Variants in CACNA1I observed in about 807,000 individuals in gnomAD.
The protein encoded by CACNA1I is calcium voltage-gated channel subunit alpha1 I.
CACNA1I carries 74 observed loss-of-function variants against 201.6 expected under a neutral mutation model. The ratio of observed to expected loss-of-function variants is 0.37; its 90% CI spans 0.30 to 0.45. The LOEUF is 0.45. Ranked by LOEUF, CACNA1I falls within the 20% of genes least tolerant of loss-of-function variation. The pLI is 1.00. For missense variants in CACNA1I, 2,346 were observed against 3,138.1 expected, an observed-to-expected ratio of 0.75 and a Z score of 6.03; for synonymous variants, 1,431 against 1,345.2, an observed-to-expected ratio of 1.06 and a Z score of -1.40.
chr22:39,682,705 G>A (rs779337211), intron 35 of CACNA1I, 44 bp downstream of exon 35: 5 of 1,564,806 alleles, frequency 3.2e-6, no homozygotes, highest in Non-Finnish European at 8.7e-7. Flanking sequence ...CCCTCATCTT[G>A]GGCATCTGCT....
chr22:39,639,440 A>G (rs1468940901), intron 5 of CACNA1I, among the ~76,000 whole-genome samples: 1 of 152,182 alleles, frequency 6.6e-6, no homozygotes, highest in Non-Finnish European at 1.5e-5. Flanking sequence ...AAAATATTCC[A>G]TATTTTCTTA....
chr22:39,683,101 C>A (rs1935751904), intron 35 of CACNA1I, among the ~76,000 whole-genome samples: 1 of 152,162 alleles, frequency 6.6e-6, no homozygotes, highest in Non-Finnish European at 1.5e-5. Flanking sequence ...TCTTCAATAG[C>A]CGTTTTGTGA....
chr22:39,667,872 G>A (rs933699671), intron 23 of CACNA1I, among the ~76,000 whole-genome samples: 29 of 152,286 alleles, frequency 1.9e-4, no homozygotes, highest in East Asian at 1.7e-3. Context: ...TGGGGCAAGC[G>A]TGTCTTACCC....
In CACNA1I at chr22:39,649,591, G is replaced by C. The variant is rs1934589032; in HGVS notation, c.1658G>C (p.Cys553Ser). ...ACGCTGGCTTCCGATCCCGCCAGCT[G>C]CCCTTGCTGCCAGCATGAGGACGGC... ...PATLASDPAS[C>S]PCCQHEDGRR... The change falls in exon 10 of 37, where the codon TGC (cysteine) becomes TCC (serine). Residue 553 changes from cysteine (C) to serine (S), a missense_variant. By Grantham distance (112) the Cys-to-Ser change is moderately radical (BLOSUM62 -1). Transcript: ENST00000402142. The surrounding 1 kb of genome is among the most constrained non-coding windows in gnomAD (Gnocchi z 7.3). The C allele has an allele frequency of 6.5e-7, 1 of 1,543,964 alleles. No individual in the cohort carries two copies. The highest frequency in any genetic ancestry group is 2.0e-5 in the Admixed American group (1 of 50,302).
intron 23 of CACNA1I, 56 bp from the exon 24 acceptor site, chr22:39,668,236 C>A: frequency 9.6e-7 from 1 of 1,046,852 alleles, no homozygotes; most frequent in South Asian, 1.3e-5. Flanking sequence ...GGGGTGGCTG[C>A]AGCTGGAGTC....
At chr22:39,661,743 G>A (rs1935017652) in intron 16 of CACNA1I, among the ~76,000 whole-genome samples, 2 of 152,266 alleles carry the variant, frequency 1.3e-5, no homozygotes, top group African/African-American at 4.8e-5. Flanking sequence ...GGTGGCAGGA[G>A]GGGATGTAAC....
At position 39,648,869 on chromosome 22, in the gene CACNA1I, G is replaced by A. The variant is rs1934566897; in HGVS notation, c.1568-632G>A. On this transcript the variant is annotated intron_variant, in intron 9 of 36. Coordinates refer to ENST00000402142, the MANE Select transcript of CACNA1I (RefSeq NM_021096.4). The surrounding 1 kb of genome is among the most constrained non-coding windows in gnomAD (Gnocchi z 5.4). ...GATTCCGGGGCAGCAAAGGGATGAAGTTCCCTCTTCCCAGGGGCCCTTCCT... is the reference window on the plus strand; with the variant it reads ...GATTCCGGGGCAGCAAAGGGATGAAATTCCCTCTTCCCAGGGGCCCTTCCT... Among the ~76,000 whole-genome samples the A allele has an allele frequency of 1.3e-5, 2 of 152,064 alleles. No homozygotes were observed. Among genetic ancestry groups the A allele is most frequent in the Non-Finnish European group, 2.9e-5 (2 of 67,996 alleles).
chr22:39,665,712 C>T lies in CACNA1I; in HGVS notation c.3978+88C>T, dbSNP rs893287111. On this transcript the variant is annotated intron_variant, in intron 22 of 36. Coordinates refer to ENST00000402142, the MANE Select transcript of CACNA1I (RefSeq NM_021096.4). This position sits in a 1 kb window ranked among gnomAD's most constrained non-coding sequence, Gnocchi z 5.5. ...CAGCCAGGGGAGAGACTCCACATTC[C>T]AACCTCATGCGCCTTGCCAGCTGTG... 3.8e-6 allele frequency: 6 copies of T among 1,560,252 alleles called. No homozygotes were observed. Among genetic ancestry groups the T allele is most frequent in the Admixed American group, 1.7e-5 (1 of 58,424 alleles).
intron 31 of CACNA1I, among the ~76,000 whole-genome samples, chr22:39,678,452 C>T (rs532871639): frequency 8.5e-5 from 13 of 152,282 alleles, no homozygotes; most frequent in East Asian, 5.8e-4. Context: ...CCAGGTCACC[C>T]GGCAGAGGCT....
At chr22:39,581,434 C>G (rs1450257158) in intron 1 of CACNA1I, among the ~76,000 whole-genome samples, 1 of 152,124 alleles carries the variant, frequency 6.6e-6, no homozygotes, top group Non-Finnish European at 1.5e-5. Flanking sequence ...GATGAGGGGC[C>G]TTTTGTATGC....
intron 6 of CACNA1I, among the ~76,000 whole-genome samples, chr22:39,642,112 G>T (rs1364204650): frequency 6.6e-6 from 1 of 152,090 alleles, no homozygotes; most frequent in Non-Finnish European, 1.5e-5. Flanking sequence ...GCCCTGTGCT[G>T]CCCTCTGCTG....
intron 18 of CACNA1I, 149 bp from the exon 19 acceptor site, chr22:39,663,569 G>C (rs916647847): frequency 4.5e-6 from 4 of 885,350 alleles, no homozygotes; most frequent in South Asian, 1.7e-5. Context: ...CCCTGAGCAG[G>C]TGTAGAGTCG....
rs1035417426 is a variant in CACNA1I, at chr22:39,677,415, G to T, written c.4929G>T (p.Lys1643Asn). 1 of 1,573,842 alleles carries T rather than the reference G, an allele frequency of 6.4e-7. No individual in the cohort carries two copies. Among genetic ancestry groups the T allele is most frequent in the Non-Finnish European group, 8.6e-7 (1 of 1,161,652 alleles). Reference protein sequence around the residue: ...YAALGVELFGKLVCNDENPCE... With the variant: ...YAALGVELFGNLVCNDENPCE... Reference sequence around the variant, plus strand: ...CTCTCGGGGTGGAGCTCTTTGGGAAGCTGGGTGAGTGACTCCCAGAGCAGG... The same window carrying T: ...CTCTCGGGGTGGAGCTCTTTGGGAATCTGGGTGAGTGACTCCCAGAGCAGG... The change falls in exon 30 of 37, where the codon AAG (lysine) becomes AAT (asparagine). Residue 1643 changes from lysine (K) to asparagine (N), a missense_variant. Lys to Asn is a moderately conservative substitution (Grantham distance 94). Transcript: ENST00000402142. The surrounding 1 kb of genome is among the most constrained non-coding windows in gnomAD (Gnocchi z 4.8).
At chr22:39,652,580 G>A (rs1376295967) in intron 10 of CACNA1I, among the ~76,000 whole-genome samples, 2 of 152,200 alleles carry the variant, frequency 1.3e-5, no homozygotes, top group Non-Finnish European at 2.9e-5. Context: ...ACTGCTCAGA[G>A]AGCAAATAGA....
rs1405809972 is a variant in CACNA1I, at chr22:39,665,549, C to T, written c.3903C>T (p.Ser1301=). ...GLKLVVETLI[S]SLKPIGNIVL... ...AGCTGGTGGTGGAGACACTCATCTC[C>T]TCCCTCAAGCCCATCGGCAACATCG... Residue 1301 remains serine (S), a synonymous_variant, in exon 22 of 37, where the codon TCC becomes TCT. Transcript: ENST00000402142. The surrounding 1 kb of genome is among the most constrained non-coding windows in gnomAD (Gnocchi z 5.5). 6.2e-7 allele frequency: 1 copy of T among 1,613,886 alleles called. No individual in the cohort carries two copies. The highest frequency in any genetic ancestry group is 1.7e-5 in the Admixed American group (1 of 60,018).
At chr22:39,655,215 G>C (rs1009051219) in intron 10 of CACNA1I, among the ~76,000 whole-genome samples, 1 of 152,008 alleles carries the variant, frequency 6.6e-6, no homozygotes, top group African/African-American at 2.4e-5. Context: ...CCTAATCAAC[G>C]CTAGCTGCCA....
intron 8 of CACNA1I, 23 bp downstream of exon 8, chr22:39,646,904 C>T (rs751326341): frequency 2.5e-5 from 36 of 1,464,670 alleles, no homozygotes; most frequent in Non-Finnish European, 2.9e-5. Context: ...GCATCCGACG[C>T]GGCACTCAGG....
rs1240503738 is a variant in CACNA1I, at chr22:39,646,637, A to G, written c.1218A>G (p.Gln406=). The part of the protein sequence containing the change: ...VIATQFSETK[Q]REHRLMLEQR... ...CGACCCAGTTCTCGGAGACCAAGCA[A>G]CGGGAGCACCGGCTGATGCTGGAGC... The change falls in exon 8 of 37, where the codon CAA becomes CAG. Residue 406 remains glutamine (Q), a synonymous_variant. Transcript: ENST00000402142. The G allele has an allele frequency of 6.4e-7, 1 of 1,573,562 alleles. No homozygotes were observed. Among genetic ancestry groups the G allele is most frequent in the Non-Finnish European group, 8.6e-7 (1 of 1,159,960 alleles).
intron 1 of CACNA1I, among the ~76,000 whole-genome samples, chr22:39,595,942 C>A (rs552555423): frequency 6.8e-6 from 1 of 147,498 alleles, no homozygotes; most frequent in African/African-American, 2.5e-5. Context: ...GTGAAGAGGG[C>A]GTGCGGCAGC....
Sources: gnomAD v4.1 joint callset for allele counts (sites outside exome capture counted in the v4.1 genomes callset) on GRCh38, gnomAD v4.1.1 for gene constraint, Gnocchi (gnomAD v3.1) non-coding constraint, MANE v1.5 for transcripts, NCBI Gene and HGNC (gene_info 2026-07-23, HGNC 2026-07-21) for gene names.